The following RALYL variants were observed in gnomAD, a reference collection of about 807,000 sequenced individuals.
RALYL encodes the protein RNA-binding Raly-like protein.
Under a neutral mutation model 35.1 loss-of-function variants are expected in RALYL, and 29 were observed. The observed-to-expected ratio is 0.83, with a 90% CI of 0.61 to 1.13. The LOEUF is 1.13. Among genes scored for constraint, RALYL ranks in the 50% most tolerant of loss-of-function variants. RALYL has a pLI of 0.00. For synonymous variants in RALYL, 120 were observed against 127.6 expected (o/e 0.94, Z 0.40); for missense variants, 359 against 360.4 (o/e 1.00, Z 0.03).
At chr8:84,751,248 C>T (rs574365332) in intron 2 of RALYL, among the ~76,000 whole-genome samples, 8 of 152,134 alleles carry the variant, frequency 5.3e-5, no homozygotes, top group Admixed American at 5.2e-4. Flanking sequence ...CATTCTATCA[C>T]CCAGGCTAGG....
At chr8:84,916,091 A>C (rs111895483) in intron 8 of RALYL, among the ~76,000 whole-genome samples, 1 of 152,116 alleles carries the variant, frequency 6.6e-6, no homozygotes, top group East Asian at 1.9e-4. Context: ...ACATAAAACA[A>C]TACTATGAAA....
intron 1 of RALYL, among the ~76,000 whole-genome samples, chr8:84,441,877 C>A (rs2048367206): frequency 6.6e-6 from 1 of 152,030 alleles, no homozygotes; most frequent in South Asian, 2.1e-4. Context: ...AGTATTGGGG[C>A]ATTTGTAAGA....
chr8:84,627,864 C>T (rs1401557534), intron 2 of RALYL, among the ~76,000 whole-genome samples: 7 of 151,878 alleles, frequency 4.6e-5, no homozygotes. Context: ...TTCAATGTAC[C>T]CTATCAAATC....
At chr8:84,383,782 TAAA>T (rs201551975) in intron 1 of RALYL, among the ~76,000 whole-genome samples, 3 of 129,008 alleles carry the variant, frequency 2.3e-5, no homozygotes. Flanking sequence ...ACAGTTACAT[TAAA>T]AAAAAAAAAA....
intron 7 of RALYL, among the ~76,000 whole-genome samples, chr8:84,874,232 C>A (rs1840717049): frequency 6.6e-6 from 1 of 152,130 alleles, no homozygotes; most frequent in Non-Finnish European, 1.5e-5. Context: ...TAGATACTGG[C>A]ATTCAACATA....
At chr8:84,906,892 T>A (rs1700634274) in intron 8 of RALYL, 1 of 941,040 alleles carries the variant, frequency 1.1e-6, no homozygotes, top group South Asian at 4.9e-5. Flanking sequence ...TTGCCCTGCC[T>A]AAGGATCTTC....
chr8:84,290,616 T>C (rs1221227341), intron 1 of RALYL, among the ~76,000 whole-genome samples: 1 of 152,126 alleles, frequency 6.6e-6, no homozygotes, highest in African/African-American at 2.4e-5. Flanking sequence ...ACTTCTTTTG[T>C]GGTGGAATGT....
In RALYL at chr8:84,419,689, C is replaced by A; in HGVS notation, c.-23-109610C>A. 1.8e-5 allele frequency among the ~76,000 whole-genome samples: 2 copies of A among 113,012 alleles called. 1 individual carries two copies. Among genetic ancestry groups the A allele is most frequent in the South Asian group, 7.3e-4 (2 of 2,748 alleles). The allele number at this position is 113,012 out of a possible 152,430, so 74.1% of individuals were successfully genotyped here. A position where few individuals can be genotyped will look rare whatever the true frequency, so the allele number is the denominator to read the frequency against. On this transcript the variant is annotated intron_variant, in intron 1 of 8. Coordinates refer to ENST00000521268, the MANE Select transcript of RALYL (RefSeq NM_173848.7). ...TTAGGTATATCTCCCAATGCTGTCC[C>A]TCCCCCCTCCCCCCACCCCACAACA... is the stretch of plus-strand genomic sequence containing the variant.
At chr8:84,884,750 T>TA (rs1032290905) in intron 7 of RALYL, among the ~76,000 whole-genome samples, 8 of 152,054 alleles carry the variant, frequency 5.3e-5, no homozygotes, top group Non-Finnish European at 8.8e-5. Context: ...TGTTTGGGTT[T>TA]AAAAAATTTA....
intron 1 of RALYL, among the ~76,000 whole-genome samples, chr8:84,509,396 CT>C (rs1331409278): frequency 1.3e-5 from 2 of 152,156 alleles, no homozygotes; most frequent in Non-Finnish European, 2.9e-5. Flanking sequence ...ATAAATTGTA[CT>C]GCTGTATGAG....
At chr8:84,391,114 T>A (rs1860586789) in intron 1 of RALYL, among the ~76,000 whole-genome samples, 1 of 151,976 alleles carries the variant, frequency 6.6e-6, no homozygotes, top group Non-Finnish European at 1.5e-5. Context: ...GGAGCACTTG[T>A]GAAAAGAAGA....
chr8:84,327,736 T>G (rs1163986086), intron 1 of RALYL, among the ~76,000 whole-genome samples: 1 of 152,160 alleles, frequency 6.6e-6, no homozygotes, highest in Non-Finnish European at 1.5e-5. Flanking sequence ...TCTTGGAAGC[T>G]TTAAAGCAGT....
At chr8:84,821,356 C>G (rs1160023864) in intron 4 of RALYL, among the ~76,000 whole-genome samples, 1 of 152,102 alleles carries the variant, frequency 6.6e-6, no homozygotes, top group Non-Finnish European at 1.5e-5. Context: ...TATTGGTAGC[C>G]ATTTTGGAAT....
chr8:84,731,700 A>G (rs777380923), intron 2 of RALYL, among the ~76,000 whole-genome samples: 1 of 152,126 alleles, frequency 6.6e-6, no homozygotes, highest in Non-Finnish European at 1.5e-5. Flanking sequence ...AGCCAGGATG[A>G]TGTTTTTAAA....
chr8:84,271,711 T>G (rs1036038840), intron 1 of RALYL, among the ~76,000 whole-genome samples: 1 of 151,830 alleles, frequency 6.6e-6, no homozygotes, highest in Non-Finnish European at 1.5e-5. Context: ...CTCAAAAGTA[T>G]TATGCCAAAC....
At chr8:84,653,177 AGATT>A (rs1262318281) in intron 2 of RALYL, among the ~76,000 whole-genome samples, 9 of 152,108 alleles carry the variant, frequency 5.9e-5, no homozygotes, top group African/African-American at 2.2e-4. Flanking sequence ...TCCCTGGGTA[AGATT>A]GATTAATAAA....
intron 1 of RALYL, among the ~76,000 whole-genome samples, chr8:84,424,630 G>A (rs1315781670): frequency 6.6e-6 from 1 of 151,554 alleles, no homozygotes; most frequent in Non-Finnish European, 1.5e-5. Flanking sequence ...GACGCTCTGT[G>A]TTTTAGAGTT....
chr8:84,595,588 GA>G, intron 2 of RALYL, among the ~76,000 whole-genome samples: 1 of 152,116 alleles, frequency 6.6e-6, no homozygotes, highest in Middle Eastern at 3.4e-3. Context: ...GCACTTTTAA[GA>G]ATCTTAATGT....
chr8:84,502,302 T>A (rs879760016), intron 1 of RALYL, among the ~76,000 whole-genome samples: 1 of 152,000 alleles, frequency 6.6e-6, no homozygotes, highest in Non-Finnish European at 1.5e-5. Flanking sequence ...AATTATTCAA[T>A]AAGTAGTGCT....
Sources: allele counts gnomAD v4.1 joint callset (sites outside exome capture counted in the v4.1 genomes callset), GRCh38; gene constraint gnomAD v4.1.1; transcripts MANE v1.5; gene names NCBI Gene and HGNC (gene_info 2026-07-23, HGNC 2026-07-21).